The following CD163L1 variants were observed in gnomAD, a reference collection of about 807,000 sequenced individuals.
CD163L1 encodes the protein CD163 molecule like 1.
Under a neutral mutation model 165.4 loss-of-function variants are expected in CD163L1, and 124 were observed. The ratio of observed to expected loss-of-function variants is 0.75; its 90% CI spans 0.65 to 0.87. The LOEUF is 0.87. CD163L1 is among the 40% of genes least tolerant of loss of function. The pLI, the probability that CD163L1 is intolerant of heterozygous loss-of-function variation, is 0.00. For synonymous variants in CD163L1, 585 were observed against 662.2 expected (o/e 0.88, Z 1.79); for missense variants, 1,525 against 1,799.9 (o/e 0.85, Z 2.76).
chr12:7,356,237 A>G (rs1215628477), intron 19 of CD163L1, among the ~76,000 whole-genome samples: 1 of 152,160 alleles, frequency 6.6e-6, no homozygotes, highest in Non-Finnish European at 1.5e-5. Context: ...TAGAGAAATT[A>G]TCAATAGCAT....
intron 18 of CD163L1, among the ~76,000 whole-genome samples, chr12:7,364,277 A>T (rs1316862097): frequency 1.3e-5 from 2 of 152,200 alleles, no homozygotes; most frequent in Non-Finnish European, 2.9e-5. Context: ...TGGGTATAGA[A>T]GGATCATACT....
chr12:7,421,591 A>G (rs1288771575), intron 4 of CD163L1, among the ~76,000 whole-genome samples: 558 of 12,316 alleles, frequency 0.045, 3 homozygotes, highest in African/African-American at 0.081. Context: ...ATATATACAT[A>G]TACATATATG....
intron 8 of CD163L1, among the ~76,000 whole-genome samples, chr12:7,386,136 A>G (rs763094053): frequency 6.6e-6 from 1 of 152,062 alleles, no homozygotes; most frequent in African/African-American, 2.4e-5. Flanking sequence ...AAAGAGAAAC[A>G]TTACAACTGA....
chr12:7,382,616 T>C (rs2136453924), intron 8 of CD163L1, among the ~76,000 whole-genome samples: 1 of 152,274 alleles, frequency 6.6e-6, no homozygotes, highest in South Asian at 2.1e-4. Flanking sequence ...CCCCTCAGCT[T>C]CTGTGGGCTC....
intron 19 of CD163L1, among the ~76,000 whole-genome samples, chr12:7,355,870 T>A (rs1313983870): frequency 1.3e-5 from 2 of 152,100 alleles, no homozygotes; most frequent in African/African-American, 2.4e-5. Context: ...AACCTCCCAA[T>A]ATCTTGATCA....
rs1225501674 is a variant in CD163L1 at position 7,432,917 on chromosome 12, C to CA, written c.446-182dup. Among the ~76,000 whole-genome samples the CA allele has an allele frequency of 9.9e-5, 15 of 151,352 alleles. No individual in the cohort carries two copies. The highest frequency in any genetic ancestry group is 8.5e-4 in the Admixed American group (13 of 15,212). On this transcript the variant is annotated intron_variant, in intron 3 of 19. Coordinates refer to ENST00000313599, the MANE Select transcript of CD163L1 (RefSeq NM_174941.6). The surrounding 1 kb of genome is among the most constrained non-coding windows in gnomAD (Gnocchi z 4.2). ...TTTTTTCTAAACACAAATACACAAA[C>CA]AAAAAAAATCCTAGGTGAAAAAATC... is the stretch of plus-strand genomic sequence containing the variant.
intron 4 of CD163L1, among the ~76,000 whole-genome samples, chr12:7,426,500 G>A (rs765418267): frequency 7.9e-5 from 12 of 152,176 alleles, no homozygotes; most frequent in African/African-American, 2.9e-4. Flanking sequence ...GGGGACTTGG[G>A]AGAAAGGGTG....
chr12:7,359,957 T>C (rs745714617), intron 18 of CD163L1, among the ~76,000 whole-genome samples: 1 of 152,272 alleles, frequency 6.6e-6, no homozygotes, highest in East Asian at 1.9e-4. Flanking sequence ...GTGTTTGATT[T>C]TCAGTAATTT....
chr12:7,440,855 G>T (rs1291384083), intron 2 of CD163L1, among the ~76,000 whole-genome samples: 2 of 152,038 alleles, frequency 1.3e-5, no homozygotes, highest in African/African-American at 4.8e-5. Context: ...TCGAACTCCT[G>T]ACCTCAGGTG....
chr12:7,424,759 C>T (rs897244396), intron 4 of CD163L1, among the ~76,000 whole-genome samples: 1 of 152,016 alleles, frequency 6.6e-6, no homozygotes, highest in Non-Finnish European at 1.5e-5. Flanking sequence ...AATAAAATAC[C>T]TAGGAATACA....
the CD163L1 span, chr12:7,324,340 T>G: frequency 3.7e-6 from 6 of 1,614,046 alleles, no homozygotes; most frequent in East Asian, 6.7e-5. Flanking sequence ...AGAGGAGTGA[T>G]GGACAGTGAT....
Position 7,369,326 on chromosome 12 carries a change from C to T in CD163L1, c.4039+31G>A. ...AGTGTTCTCTACCATTAGTGGGAGG[C>T]TCAGTTTAAGTGCAGCCTTTTCACA... On this transcript the variant is annotated intron_variant, in intron 15 of 19. Coordinates refer to ENST00000313599, the MANE Select transcript of CD163L1 (RefSeq NM_174941.6). This position sits in a 1 kb window ranked among gnomAD's most constrained non-coding sequence, Gnocchi z 4.9. 6.3e-7 allele frequency: 1 copy of T among 1,598,436 alleles called. No individual in the cohort carries two copies.
At position 7,403,690 on chromosome 12, in the gene CD163L1, C is replaced by T; in HGVS notation, c.1253G>A (p.Gly418Asp). 1 of 1,614,076 alleles carries T rather than the reference C, an allele frequency of 6.2e-7. No homozygotes were observed. Among genetic ancestry groups the T allele is most frequent in the South Asian group, 1.1e-5 (1 of 91,082 alleles). Reference sequence around the variant, plus strand: ...ATTACTAGGTTTAGCACGACGACTGCCAAAGACGCTGAACGGACATCCTAG... The same window carrying T: ...ATTACTAGGTTTAGCACGACGACTGTCAAAGACGCTGAACGGACATCCTAG... Reference protein sequence around the residue: ...KQLGCPFSVFGSRRAKPSNEA... With the variant: ...KQLGCPFSVFDSRRAKPSNEA... The change falls in exon 6 of 20, where the codon GGC (glycine) becomes GAC (aspartate). Residue 418 changes from glycine (G) to aspartate (D), a missense_variant. Transcript: ENST00000313599.
At chr12:7,327,829 A>C in the CD163L1 span, among the ~76,000 whole-genome samples, 1 of 152,200 alleles carries the variant, frequency 6.6e-6, no homozygotes, top group Non-Finnish European at 1.5e-5. Flanking sequence ...TTTTGAGAGA[A>C]GAGAACAAAA....
chr12:7,387,120 G>A (rs1380847631), intron 8 of CD163L1, among the ~76,000 whole-genome samples: 1 of 152,046 alleles, frequency 6.6e-6, no homozygotes, highest in African/African-American at 2.4e-5. Flanking sequence ...AACAAATTCA[G>A]CAAAGTTACA....
chr12:7,357,026 T>A (rs752594409), intron 19 of CD163L1, among the ~76,000 whole-genome samples: 2 of 152,128 alleles, frequency 1.3e-5, no homozygotes, highest in Non-Finnish European at 2.9e-5. Flanking sequence ...AGAGAATAAA[T>A]GTGAACATCC....
chr12:7,421,347 G>A (rs779097696), intron 4 of CD163L1, among the ~76,000 whole-genome samples: 2 of 80,860 alleles, frequency 2.5e-5, no homozygotes, highest in South Asian at 8.3e-4. Context: ...TCTTCCAAAT[G>A]TATATATATG....
chr12:7,406,996 A>G, intron 4 of CD163L1, 144 bp from the exon 5 acceptor site: 2 of 774,032 alleles, frequency 2.6e-6, no homozygotes, highest in Non-Finnish European at 4.1e-6. Flanking sequence ...AAATTCTTGT[A>G]CAAGTTTAAT....
At chr12:7,407,536 C>A (rs768580238) in intron 4 of CD163L1, among the ~76,000 whole-genome samples, 1 of 151,444 alleles carries the variant, frequency 6.6e-6, no homozygotes, top group African/African-American at 2.4e-5. Context: ...TACTTCTTTA[C>A]ATCACTTAGC....
Sources: gnomAD v4.1 joint callset for allele counts (sites outside exome capture counted in the v4.1 genomes callset) on GRCh38, gnomAD v4.1.1 for gene constraint, Gnocchi (gnomAD v3.1) non-coding constraint, MANE v1.5 for transcripts, NCBI Gene and HGNC (gene_info 2026-07-23, HGNC 2026-07-21) for gene names.